Variants in KLRF2 observed in about 807,000 individuals in gnomAD.
The protein encoded by KLRF2 is killer cell lectin like receptor F2.
Under a neutral mutation model 25.3 loss-of-function variants are expected in KLRF2, and 28 were observed. The observed-to-expected ratio is 1.11, with a 90% CI of 0.82 to 1.52. KLRF2 has a LOEUF of 1.52. KLRF2 is among the 40% of genes most tolerant of loss of function. The probability of loss-of-function intolerance (pLI) is 0.00; values close to 1 mark genes in which losing one functional copy is unlikely to be tolerated. For missense variants in KLRF2, 265 were observed against 245.8 expected (o/e 1.08, Z -0.52); for synonymous variants, 73 against 85.0 (o/e 0.86, Z 0.78).
At chr12:9,895,636 A>T in intron 5 of KLRF2, 53 bp from the exon 6 acceptor site, 1 of 1,455,348 alleles carries the variant, frequency 6.9e-7, no homozygotes, top group African/African-American at 1.5e-5. Flanking sequence ...ACTTTAAAAG[A>T]TACTATTATC....
intron 2 of KLRF2, among the ~76,000 whole-genome samples, chr12:9,888,387 G>A (rs1006266328): frequency 1.3e-5 from 2 of 152,026 alleles, no homozygotes; most frequent in Non-Finnish European, 2.9e-5. Flanking sequence ...ATGCTCGGGA[G>A]GCTGAGGTAG....
At chr12:9,893,401 A>G (rs755148954) in intron 4 of KLRF2, 28 bp from the exon 5 acceptor site, 5 of 1,083,596 alleles carry the variant, frequency 4.6e-6, no homozygotes, top group Non-Finnish European at 6.7e-6. Flanking sequence ...AAACAAATGA[A>G]TGAATAAATG....
chr12:9,887,059 C>CA (rs915950739), intron 2 of KLRF2, among the ~76,000 whole-genome samples: 5 of 151,674 alleles, frequency 3.3e-5, no homozygotes, highest in Admixed American at 2.6e-4. Context: ...GATGGAAAAT[C>CA]AAAAAATGCC....
At chr12:9,894,318 C>T (rs1862728930) in intron 5 of KLRF2, among the ~76,000 whole-genome samples, 1 of 151,766 alleles carries the variant, frequency 6.6e-6, no homozygotes, top group African/African-American at 2.4e-5. Context: ...GTAGCTAGGA[C>T]TACAGGTGTG....
intron 1 of KLRF2, among the ~76,000 whole-genome samples, chr12:9,881,997 C>T (rs933283157): frequency 3.3e-5 from 5 of 151,410 alleles, no homozygotes; most frequent in Admixed American, 6.6e-5. Flanking sequence ...AAACTTAAAG[C>T]GTATATATAT....
chr12:9,889,017 A>G (rs575848289), intron 3 of KLRF2, among the ~76,000 whole-genome samples: 1 of 152,288 alleles, frequency 6.6e-6, no homozygotes, highest in African/African-American at 2.4e-5. Flanking sequence ...TGAGTCAACA[A>G]CAGGATGATA....
At chr12:9,887,201 A>AG (rs1862608499) in intron 2 of KLRF2, among the ~76,000 whole-genome samples, 1 of 152,136 alleles carries the variant, frequency 6.6e-6, no homozygotes, top group African/African-American at 2.4e-5. Context: ...AAACCAAAAA[A>AG]CATGAGTTTT....
chr12:9,881,757 G>T, intron 1 of KLRF2, 92 bp downstream of exon 1: 1 of 903,666 alleles, frequency 1.1e-6, no homozygotes, highest in Non-Finnish European at 1.7e-6. Flanking sequence ...TCTTAACATT[G>T]ATCATAATAA....
At chr12:9,886,763 C>CAA (rs770999069) in intron 2 of KLRF2, among the ~76,000 whole-genome samples, 1,776 of 102,930 alleles carry the variant, frequency 0.017, 35 homozygotes, top group African/African-American at 0.041. Flanking sequence ...CTATATCATG[C>CAA]AAAAAAAAAA....
chr12:9,887,301 T>G (rs563364724), intron 2 of KLRF2, among the ~76,000 whole-genome samples: 35 of 152,120 alleles, frequency 2.3e-4, no homozygotes, highest in Admixed American at 1.2e-3. Flanking sequence ...TAAAGATAGA[T>G]AGATAGATAG....
At chr12:9,895,597 A>G (rs754925229) in intron 5 of KLRF2, 92 bp from the exon 6 acceptor site, 15 of 1,211,472 alleles carry the variant, frequency 1.2e-5, no homozygotes, top group African/African-American at 1.6e-5. Context: ...GCTGCTGAAG[A>G]ATTACCTATA....
chr12:9,881,736 T>C, intron 1 of KLRF2, 71 bp downstream of exon 1: 1 of 1,082,848 alleles, frequency 9.2e-7, no homozygotes, highest in Non-Finnish European at 1.4e-6. Context: ...TATCTTAGAA[T>C]ATTTTTAACA....
chr12:9,888,745 A>T lies in KLRF2; in HGVS notation c.182A>T (p.Asp61Val). 6.7e-7 allele frequency: 1 copy of T among 1,501,618 alleles called. No individual in the cohort carries two copies. The highest frequency in any genetic ancestry group is 9.0e-7 in the Non-Finnish European group (1 of 1,115,770). 93.0% of individuals were successfully genotyped at this position (1,501,618 alleles called of 1,614,324 possible). Residue 61 changes from aspartate to valine, a missense_variant, in exon 3 of 6, where the codon GAT becomes GTT. By Grantham distance (152) the Asp-to-Val change is radical. Coordinates refer to ENST00000535540, the MANE Select transcript of KLRF2 (RefSeq NM_001190765.1). ...IDLKFWHKKMDFSQNVNVSSL... is the reference protein window; with the variant it reads ...IDLKFWHKKMVFSQNVNVSSL... ...GCACTGAGTACAGATAAAAAAATGG[A>T]TTTCTCCCAGAATGTAAACGTCAGC...
intron 2 of KLRF2, among the ~76,000 whole-genome samples, chr12:9,888,261 C>T (rs986110882): frequency 8.6e-5 from 13 of 151,614 alleles, no homozygotes; most frequent in Non-Finnish European, 1.3e-4. Flanking sequence ...GAAGCCGAGG[C>T]GGGCGGATCA....
At chr12:9,883,446 T>A (rs1236755251) in intron 1 of KLRF2, among the ~76,000 whole-genome samples, 1 of 152,340 alleles carries the variant, frequency 6.6e-6, no homozygotes, top group Admixed American at 6.5e-5. Flanking sequence ...TGGCTTGATA[T>A]AGTATGTAAA....
chr12:9,888,639 T>G (rs762537638), intron 2 of KLRF2, 94 bp from the exon 3 acceptor site: 14 of 666,078 alleles, frequency 2.1e-5, no homozygotes, highest in Non-Finnish European at 3.6e-5. Flanking sequence ...TTTATTAGTA[T>G]GCCTTCATTT....
rs1195900748 is a variant in KLRF2, at chr12:9,893,496, G to A, written c.434G>A (p.Gly145Glu). ...ATTGGACTATATGTTACATTCCAAGGGAACCTATGGATGTGGATAGATGAA... is the reference window on the plus strand; with the variant it reads ...ATTGGACTATATGTTACATTCCAAGAGAACCTATGGATGTGGATAGATGAA... Reference protein sequence around the residue: ...GWIGLYVTFQGNLWMWIDEHF... With the variant: ...GWIGLYVTFQENLWMWIDEHF... Residue 145 changes from glycine to glutamate, a missense_variant, in exon 5 of 6, where the codon GGG (glycine) becomes GAG (glutamate). Transcript: ENST00000535540. 1.3e-6 allele frequency: 2 copies of A among 1,524,244 alleles called. No homozygotes were observed. Among genetic ancestry groups the A allele is most frequent in the South Asian group, 1.2e-5 (1 of 83,182 alleles). The allele number at this position is 1,524,244 out of a possible 1,614,324, so 94.4% of individuals were successfully genotyped here.
In KLRF2 at chr12:9,881,503, A is replaced by G. The variant is rs1185819430; in HGVS notation, c.-93A>G. On this transcript the variant is annotated 5_prime_UTR_variant, in exon 1 of 6. Coordinates refer to ENST00000535540, the MANE Select transcript of KLRF2 (RefSeq NM_001190765.1). ...GCCTTCCTTTTAGTTTTCTTTTAGT[A>G]CCTTGTGCCAAAGAGACATATCCAA... The G allele has an allele frequency of 4.3e-6, 4 of 920,748 alleles. No individual in the cohort carries two copies. Among genetic ancestry groups the G allele is most frequent in the Non-Finnish European group, 6.6e-6 (4 of 607,094 alleles). 57.0% of individuals were successfully genotyped at this position (920,748 alleles called of 1,614,324 possible).
intron 4 of KLRF2, 25 bp from the exon 5 acceptor site, chr12:9,893,404 A>G (rs1862710121): frequency 9.1e-7 from 1 of 1,101,820 alleles, no homozygotes; most frequent in Non-Finnish European, 1.3e-6. Context: ...CAAATGAATG[A>G]ATAAATGCAC....
Sources: gnomAD v4.1 joint callset for allele counts (sites outside exome capture counted in the v4.1 genomes callset) on GRCh38, gnomAD v4.1.1 for gene constraint, MANE v1.5 for transcripts, NCBI Gene and HGNC (gene_info 2026-07-23, HGNC 2026-07-21) for gene names.